UNC5D: variants seen among roughly 807,000 people sequenced by gnomAD.
The protein encoded by UNC5D is netrin receptor UNC5D.
A neutral mutation model predicts 105.4 loss-of-function variants in UNC5D; 39 were observed. The observed-to-expected ratio is 0.37, with a 90% CI of 0.29 to 0.48. UNC5D has a LOEUF of 0.48. Among genes scored for constraint, UNC5D ranks in the 20% least tolerant of loss-of-function variants. The pLI, the probability that UNC5D is intolerant of heterozygous loss-of-function variation, is 0.98. For missense variants in UNC5D, 991 were observed against 1,202.4 expected (o/e 0.82, Z 2.60); for synonymous variants, 452 against 450.4 (o/e 1.00, Z -0.04).
chr8:35,249,036 A>G (rs1410592405), intron 1 of UNC5D, among the ~76,000 whole-genome samples: 1 of 76,724 alleles, frequency 1.3e-5, no homozygotes, highest in East Asian at 6.3e-4. Flanking sequence ...TTTATATAAT[A>G]TATATTATAT....
chr8:35,253,015 C>T (rs1312378310), intron 1 of UNC5D, among the ~76,000 whole-genome samples: 3 of 151,866 alleles, frequency 2.0e-5, no homozygotes, highest in Non-Finnish European at 4.4e-5. Context: ...ATTTTTATTT[C>T]TTCTGTAAAG....
chr8:35,476,022 C>A (rs1356912565), intron 1 of UNC5D, among the ~76,000 whole-genome samples: 2 of 152,178 alleles, frequency 1.3e-5, no homozygotes, highest in African/African-American at 4.8e-5. Flanking sequence ...TTTTTGTCAT[C>A]AGTGACTCTA....
At chr8:35,588,339 A>G (rs1442776174) in intron 3 of UNC5D, among the ~76,000 whole-genome samples, 1 of 152,142 alleles carries the variant, frequency 6.6e-6, no homozygotes, top group Non-Finnish European at 1.5e-5. Context: ...ATATGTATAT[A>G]TGTTTAAAAG....
intron 4 of UNC5D, among the ~76,000 whole-genome samples, chr8:35,642,108 G>A (rs1447590798): frequency 6.6e-6 from 1 of 152,092 alleles, no homozygotes; most frequent in African/African-American, 2.4e-5. Context: ...TTCCCTGCGT[G>A]AGATTCTGCA....
chr8:35,716,701 T>C (rs1563698888), intron 8 of UNC5D, among the ~76,000 whole-genome samples: 1 of 152,110 alleles, frequency 6.6e-6, no homozygotes, highest in African/African-American at 2.4e-5. Context: ...CAATAGCAAA[T>C]TGAGATTTTC....
chr8:35,298,271 C>T (rs1807650128), intron 1 of UNC5D, among the ~76,000 whole-genome samples: 1 of 152,128 alleles, frequency 6.6e-6, no homozygotes, highest in African/African-American at 2.4e-5. Context: ...CTCAATTTAC[C>T]CACTCCAGTT....
Position 35,788,202 on chromosome 8 carries a change from T to C in UNC5D, c.2658-2157T>C, listed in dbSNP as rs201910511. On this transcript the variant is annotated intron_variant, in intron 16 of 16. Coordinates refer to ENST00000404895, the MANE Select transcript of UNC5D (RefSeq NM_080872.4). ...GAATTGCTGTGTGTGTGTGTGTGTG[T>C]GTGCGTGCATGCATCTGTGGCTCTT... Among the ~76,000 whole-genome samples the C allele has an allele frequency of 8.5e-3, 1,301 of 152,194 alleles. 22 individuals carry two copies. Among genetic ancestry groups the C allele is most frequent in the African/African-American group, 0.03 (1,249 of 41,518 alleles).
At chr8:35,435,577 A>G (rs1383102634) in intron 1 of UNC5D, among the ~76,000 whole-genome samples, 1 of 152,122 alleles carries the variant, frequency 6.6e-6, no homozygotes, top group Non-Finnish European at 1.5e-5. Flanking sequence ...TTCTAAGCAT[A>G]TGAAACAATG....
At chr8:35,529,147 G>A (rs1163443655) in intron 1 of UNC5D, among the ~76,000 whole-genome samples, 11 of 141,624 alleles carry the variant, frequency 7.8e-5, no homozygotes, top group Non-Finnish European at 1.2e-4. Flanking sequence ...GAATGGTAAT[G>A]CCTAGGTTTT....
rs2131828307 is a variant in UNC5D at position 35,793,820 on chromosome 8, G to A, written c.*3257G>A. On this transcript the variant is annotated 3_prime_UTR_variant, in exon 17 of 17. Transcript: ENST00000404895. ...AAATTTTATTGGCCTTTTTGTAAGA[G>A]ATGAAAAAGAATTGACACAGTTCTC... is the stretch of plus-strand genomic sequence containing the variant. The A allele has an allele frequency of 6.6e-6, 1 of 152,610 alleles. No individual in the cohort carries two copies. Among genetic ancestry groups the A allele is most frequent in the South Asian group, 2.1e-4 (1 of 4,824 alleles). 9.5% of individuals were successfully genotyped at this position (152,610 alleles called of 1,614,324 possible).
At chr8:35,644,545 T>G (rs1223547496) in intron 4 of UNC5D, among the ~76,000 whole-genome samples, 1 of 152,122 alleles carries the variant, frequency 6.6e-6, no homozygotes, top group Non-Finnish European at 1.5e-5. Flanking sequence ...GCATCCACAA[T>G]CTAGCACCAT....
At chr8:35,641,386 G>GAAAAAAAAAAAAAAAAAAAAAAAAA (rs1209560462) in intron 4 of UNC5D, among the ~76,000 whole-genome samples, 1 of 91,846 alleles carries the variant, frequency 1.1e-5, no homozygotes, top group Non-Finnish European at 2.3e-5. Flanking sequence ...AAAAAAAAAA[G>GAAAAAAAAAAAAAAAAAAAAAAAAA]AAAAAAAAAA....
intron 8 of UNC5D, among the ~76,000 whole-genome samples, chr8:35,712,239 C>G (rs1429127300): frequency 6.6e-6 from 1 of 152,132 alleles, no homozygotes; most frequent in Non-Finnish European, 1.5e-5. Context: ...CCACTGTACT[C>G]CAGCCTGGAC....
chr8:35,408,643 C>G (rs555249820), intron 1 of UNC5D, among the ~76,000 whole-genome samples: 1 of 151,580 alleles, frequency 6.6e-6, no homozygotes, highest in African/African-American at 2.4e-5. Context: ...GGGGTATTTC[C>G]TATATTAAAG....
At chr8:35,615,032 AGG>A (rs56673042) in intron 4 of UNC5D, among the ~76,000 whole-genome samples, 6 of 32,634 alleles carry the variant, frequency 1.8e-4, no homozygotes, top group East Asian at 1.7e-3. Flanking sequence ...CAACATAGTG[AGG>A]GGCCCCCCCC....
chr8:35,585,870 T>G (rs530974031), intron 3 of UNC5D, among the ~76,000 whole-genome samples: 1 of 152,160 alleles, frequency 6.6e-6, no homozygotes, highest in South Asian at 2.1e-4. Context: ...ATGCCAGTTA[T>G]CACTCAGGGA....
At chr8:35,644,937 T>C (rs1186763121) in intron 4 of UNC5D, among the ~76,000 whole-genome samples, 1 of 152,164 alleles carries the variant, frequency 6.6e-6, no homozygotes, top group African/African-American at 2.4e-5. Context: ...TTTTATAATA[T>C]AGCTGATATA....
At chr8:35,655,135 G>A (rs1823650003) in intron 4 of UNC5D, among the ~76,000 whole-genome samples, 1 of 152,140 alleles carries the variant, frequency 6.6e-6, no homozygotes. Flanking sequence ...CCTGCTTTGT[G>A]TAGGAAAATT....
At chr8:35,669,911 GT>G (rs1410635939) in intron 4 of UNC5D, among the ~76,000 whole-genome samples, 1 of 152,148 alleles carries the variant, frequency 6.6e-6, no homozygotes, top group Admixed American at 6.5e-5. Flanking sequence ...GAGTACCAGA[GT>G]CTGTAGCACA....
Sources: gnomAD v4.1 joint callset for allele counts (sites outside exome capture counted in the v4.1 genomes callset) on GRCh38, gnomAD v4.1.1 for gene constraint, MANE v1.5 for transcripts, NCBI Gene and HGNC (gene_info 2026-07-23, HGNC 2026-07-21) for gene names.